Variants in CACNA2D2 observed in about 807,000 individuals in gnomAD.
The protein encoded by CACNA2D2 is calcium voltage-gated channel auxiliary subunit alpha2delta 2, also known as voltage-dependent calcium channel subunit alpha-2/delta-2.
Under a neutral mutation model 166.4 loss-of-function variants are expected in CACNA2D2, and 48 were observed. That is an observed-to-expected ratio of 0.29 (90% CI 0.23 to 0.37). CACNA2D2 has a LOEUF of 0.37. Among genes scored for constraint, CACNA2D2 ranks in the 10% least tolerant of loss-of-function variants. The pLI is 1.00. For synonymous variants in CACNA2D2, 561 were observed against 573.7 expected (o/e 0.98, Z 0.32); for missense variants, 1,122 against 1,433.0 (o/e 0.78, Z 3.50).
intron 3 of CACNA2D2, among the ~76,000 whole-genome samples, chr3:50,408,728 C>T (rs60149721): frequency 0.088 from 13,412 of 152,136 alleles, 1,809 homozygotes; most frequent in African/African-American, 0.29. Context: ...GGTGGGCAGG[C>T]GGAGGCGGCC....
At chr3:50,396,362 A>C (rs1240435236) in intron 3 of CACNA2D2, among the ~76,000 whole-genome samples, 1 of 152,092 alleles carries the variant, frequency 6.6e-6, no homozygotes, top group African/African-American at 2.4e-5. Context: ...CCTTTTCTCC[A>C]AATGTAGATC....
At chr3:50,413,814 T>TCTAA (rs1033634325) in intron 3 of CACNA2D2, among the ~76,000 whole-genome samples, 36 of 151,972 alleles carry the variant, frequency 2.4e-4, no homozygotes, top group Non-Finnish European at 5.0e-4. Context: ...GCCACTGCAT[T>TCTAA]CTAACTTGGG....
At chr3:50,439,855 G>A (rs1040767250) in intron 2 of CACNA2D2, among the ~76,000 whole-genome samples, 2 of 152,234 alleles carry the variant, frequency 1.3e-5, no homozygotes, top group African/African-American at 2.4e-5. Context: ...ATTGGCGACA[G>A]GTAGTGACCA....
Position 50,365,684 on chromosome 3 carries a change from G to T in CACNA2D2, c.2920C>A (p.Leu974Met). Residue 974 changes from leucine (L) to methionine (M), a missense_variant, in exon 34 of 38, where the codon CTG becomes ATG. Coordinates refer to ENST00000424201, the MANE Select transcript of CACNA2D2 (RefSeq NM_006030.4). The surrounding 1 kb of genome is among the most constrained non-coding windows in gnomAD (Gnocchi z 4.5). ...AGGCCGTAGAGAAGCTGCTGGAACA[G>T]GGACCTGCAGCGCACGGGGAGCCGA... ...AWWTSAAAWS[L>M]FQQLLYGLIY... The T allele has an allele frequency of 6.3e-7, 1 of 1,588,440 alleles. No homozygotes were observed. Among genetic ancestry groups the T allele is most frequent in the Non-Finnish European group, 8.6e-7 (1 of 1,167,788 alleles).
chr3:50,484,054 C>G (rs548819783), intron 1 of CACNA2D2, among the ~76,000 whole-genome samples: 3 of 152,060 alleles, frequency 2.0e-5, no homozygotes, highest in African/African-American at 7.2e-5. Context: ...TGAAAGTGTC[C>G]GAAACGAGAT....
intron 1 of CACNA2D2, among the ~76,000 whole-genome samples, chr3:50,478,456 G>A (rs1024105714): frequency 5.9e-5 from 9 of 152,336 alleles, no homozygotes; most frequent in Middle Eastern, 6.8e-3. Flanking sequence ...GCTCTGCCCT[G>A]GCCCTGACCC....
chr3:50,430,553 G>A (rs932236332), intron 3 of CACNA2D2, among the ~76,000 whole-genome samples: 11 of 152,196 alleles, frequency 7.2e-5, no homozygotes, highest in Admixed American at 3.9e-4. Context: ...GGCAGAAACC[G>A]GGCCTGTCCT....
At chr3:50,426,169 C>A (rs1707800560) in intron 3 of CACNA2D2, among the ~76,000 whole-genome samples, 1 of 152,240 alleles carries the variant, frequency 6.6e-6, no homozygotes, top group Non-Finnish European at 1.5e-5. Context: ...GACGTTGCCT[C>A]ACCCAGGCAG....
chr3:50,486,513 C>T (rs1259306328), intron 1 of CACNA2D2, among the ~76,000 whole-genome samples: 1 of 152,136 alleles, frequency 6.6e-6, no homozygotes, highest in Non-Finnish European at 1.5e-5. Flanking sequence ...TCAAGGTCCC[C>T]CTCAGAGCAA....
intron 1 of CACNA2D2, among the ~76,000 whole-genome samples, chr3:50,479,974 GGA>G (rs1243793033): frequency 2.0e-5 from 3 of 152,206 alleles, no homozygotes; most frequent in African/African-American, 7.2e-5. Flanking sequence ...AGAGTGGCCA[GGA>G]GGAGATGTAG....
chr3:50,464,946 C>T (rs1226230817), intron 2 of CACNA2D2, among the ~76,000 whole-genome samples: 1 of 152,240 alleles, frequency 6.6e-6, no homozygotes, highest in Non-Finnish European at 1.5e-5. Context: ...AAGGATGTGC[C>T]AGCCCTGGGA....
At chr3:50,471,057 C>T (rs911966049) in intron 2 of CACNA2D2, among the ~76,000 whole-genome samples, 4 of 152,184 alleles carry the variant, frequency 2.6e-5, no homozygotes, top group African/African-American at 4.8e-5. Flanking sequence ...TTCACACCCG[C>T]GCTTCCCCAC....
At chr3:50,485,886 C>A (rs767291433) in intron 1 of CACNA2D2, among the ~76,000 whole-genome samples, 6 of 152,178 alleles carry the variant, frequency 3.9e-5, no homozygotes, top group Non-Finnish European at 5.9e-5. Context: ...AGGGGCAAGG[C>A]AAAGGGTCCA....
chr3:50,430,628 A>G (rs1575674604), intron 3 of CACNA2D2, among the ~76,000 whole-genome samples: 1 of 152,196 alleles, frequency 6.6e-6, no homozygotes, highest in Admixed American at 6.5e-5. Context: ...GATGTTGGTG[A>G]ACAGATGGAG....
At position 50,363,178 on chromosome 3, in the gene CACNA2D2, C is replaced by T. The variant is rs1017731211; in HGVS notation, c.*1488G>A. ...AGCACCTGACTACACTACAGTTACACGCACGCCCCCGAAGGACACAGCTGG... is the reference window on the plus strand; with the variant it reads ...AGCACCTGACTACACTACAGTTACATGCACGCCCCCGAAGGACACAGCTGG... On this transcript the variant is annotated 3_prime_UTR_variant, in exon 38 of 38. Coordinates refer to ENST00000424201, the MANE Select transcript of CACNA2D2 (RefSeq NM_006030.4). The T allele has an allele frequency of 1.0e-5, 4 of 398,808 alleles. No homozygotes were observed. Among genetic ancestry groups the T allele is most frequent in the African/African-American group, 4.1e-5 (2 of 48,626 alleles). 24.7% of individuals were successfully genotyped at this position (398,808 alleles called of 1,614,324 possible).
rs1259209539 is a variant in CACNA2D2 at position 50,366,818 on chromosome 3, C to T, written c.2589+13G>A. On this transcript the variant is annotated intron_variant, in intron 29 of 37. Transcript: ENST00000424201. This position sits in a 1 kb window ranked among gnomAD's most constrained non-coding sequence, Gnocchi z 5.9. The stretch of plus-strand genomic sequence containing the variant: ...GCACTGCTGGGTTACTGCCCCCGCC[C>T]CTGCCCAAATACCTTCTGAGGCTGG... 2 of 1,612,600 alleles carry T rather than the reference C, an allele frequency of 1.2e-6. No individual in the cohort carries two copies. The highest frequency in any genetic ancestry group is 1.7e-6 in the Non-Finnish European group (2 of 1,179,472).
At chr3:50,415,401 C>T (rs938572438) in intron 3 of CACNA2D2, among the ~76,000 whole-genome samples, 14 of 152,190 alleles carry the variant, frequency 9.2e-5, no homozygotes, top group African/African-American at 3.4e-4. Context: ...GAGTTCCAGG[C>T]CTAGGGCTGC....
chr3:50,462,652 C>T (rs1048139099), intron 2 of CACNA2D2, among the ~76,000 whole-genome samples: 1 of 151,596 alleles, frequency 6.6e-6, no homozygotes, highest in African/African-American at 2.4e-5. Context: ...AGCAGGATGC[C>T]CACGGATAAT....
At chr3:50,387,239 A>C (rs930963360) in intron 5 of CACNA2D2, among the ~76,000 whole-genome samples, 2 of 152,138 alleles carry the variant, frequency 1.3e-5, no homozygotes, top group African/African-American at 4.8e-5. Flanking sequence ...ACCTCCAGGA[A>C]GCCTTCCCAG....
Sources: gnomAD v4.1 joint callset for allele counts (sites outside exome capture counted in the v4.1 genomes callset) on GRCh38, gnomAD v4.1.1 for gene constraint, Gnocchi (gnomAD v3.1) non-coding constraint, MANE v1.5 for transcripts, NCBI Gene and HGNC (gene_info 2026-07-23, HGNC 2026-07-21) for gene names.